The following CSMD3 variants were observed in gnomAD, a reference collection of about 807,000 sequenced individuals.
CSMD3 encodes CUB and Sushi multiple domains 3, also known as CUB and sushi domain-containing protein 3.
Under a neutral mutation model 435.2 loss-of-function variants are expected in CSMD3, and 177 were observed. The ratio of observed to expected loss-of-function variants is 0.41; its 90% confidence interval spans 0.36 to 0.46. The LOEUF is 0.46. Ranked by LOEUF, CSMD3 falls within the 20% of genes least tolerant of loss-of-function variation. The probability of loss-of-function intolerance (pLI) is 0.34; values close to 1 mark genes in which losing one functional copy is unlikely to be tolerated. For missense variants in CSMD3, 4,265 were observed against 4,504.6 expected, an observed-to-expected ratio of 0.95 and a Z score of 1.52; for synonymous variants, 1,656 against 1,520.5, an observed-to-expected ratio of 1.09 and a Z score of -2.07.
At chr8:112,551,423 C>A (rs1180292901) in intron 26 of CSMD3, among the ~76,000 whole-genome samples, 8 of 151,954 alleles carry the variant, frequency 5.3e-5, no homozygotes, top group Admixed American at 5.3e-4. Flanking sequence ...TTAAGCTAGA[C>A]AAAATTAGAA....
intron 63 of CSMD3, 78 bp from the exon 64 acceptor site, chr8:112,247,209 A>G (rs1220054510): frequency 2.3e-6 from 2 of 855,664 alleles, no homozygotes; most frequent in Non-Finnish European, 4.0e-6. Context: ...TGAGTGAGAA[A>G]ATGTTATCAA....
chr8:113,239,254 T>G (rs933195020), intron 3 of CSMD3, among the ~76,000 whole-genome samples: 2 of 152,200 alleles, frequency 1.3e-5, no homozygotes, highest in Non-Finnish European at 2.9e-5. Context: ...CAACAGGTTG[T>G]GGGATTTGTT....
intron 41 of CSMD3, among the ~76,000 whole-genome samples, chr8:112,342,767 A>G (rs546351600): frequency 1.3e-4 from 20 of 151,908 alleles, no homozygotes; most frequent in Non-Finnish European, 2.6e-4. Flanking sequence ...CTTTGGAAAT[A>G]TTTAAAACAG....
Position 113,374,543 on chromosome 8 carries a change from G to T in CSMD3, c.179-59750C>A, listed in dbSNP as rs73341959. Among the ~76,000 whole-genome samples, 535 of 151,980 alleles carry T rather than the reference G, an allele frequency of 3.5e-3. 1 individual carries two copies. Among genetic ancestry groups the T allele is most frequent in the African/African-American group, 0.012 (498 of 41,496 alleles). ...ACATACACTAATATTTAATAAATGT[G>T]AATAAACACATTAAAAGAAGGCATA... On this transcript the variant is annotated intron_variant, in intron 1 of 70. Transcript: ENST00000297405.
At chr8:112,616,284 C>T (rs147248804) in intron 22 of CSMD3, among the ~76,000 whole-genome samples, 26 of 151,984 alleles carry the variant, frequency 1.7e-4, no homozygotes, top group African/African-American at 5.3e-4. Flanking sequence ...CTATTATTAT[C>T]TCAGTTTATC....
chr8:112,301,172 A>G (rs1444091499), intron 53 of CSMD3, among the ~76,000 whole-genome samples: 1 of 152,172 alleles, frequency 6.6e-6, no homozygotes, highest in Non-Finnish European at 1.5e-5. Flanking sequence ...TCTTTGAAAA[A>G]GGAGATAAAG....
intron 5 of CSMD3, among the ~76,000 whole-genome samples, chr8:113,025,536 T>A (rs2086844858): frequency 6.6e-6 from 1 of 152,162 alleles, no homozygotes; most frequent in African/African-American, 2.4e-5. Context: ...AGGCCAGCTA[T>A]ATTGGTCCAG....
At chr8:112,258,949 G>C (rs1385504397) in intron 61 of CSMD3, among the ~76,000 whole-genome samples, 1 of 152,112 alleles carries the variant, frequency 6.6e-6, no homozygotes, top group East Asian at 1.9e-4. Flanking sequence ...CGAGGCAGGA[G>C]AATGGCGAGA....
intron 32 of CSMD3, among the ~76,000 whole-genome samples, chr8:112,429,148 A>T (rs1279263680): frequency 6.6e-6 from 1 of 152,036 alleles, no homozygotes; most frequent in Non-Finnish European, 1.5e-5. Flanking sequence ...TATTCTTATT[A>T]TAGAACTAAA....
intron 3 of CSMD3, among the ~76,000 whole-genome samples, chr8:113,210,332 A>C (rs1258738624): frequency 1.3e-5 from 2 of 152,084 alleles, no homozygotes; most frequent in African/African-American, 4.8e-5. Context: ...GGCTGCTTCA[A>C]TCAGAAGATT....
intron 2 of CSMD3, among the ~76,000 whole-genome samples, chr8:113,302,998 T>A (rs1260569333): frequency 1.2e-4 from 11 of 92,110 alleles, no homozygotes; most frequent in Non-Finnish European, 1.5e-4. Flanking sequence ...ACATGATTGT[T>A]TATCTAGAAA....
rs184901104 is a variant in CSMD3 at position 112,823,313 on chromosome 8, C to A, written c.1859+6373G>T. 3.2e-4 allele frequency among the ~76,000 whole-genome samples: 48 copies of A among 152,204 alleles called. No homozygotes were observed. The East Asian group carries it at 9.3e-3, about 29-fold the overall frequency. On this transcript the variant is annotated intron_variant, in intron 12 of 70. Transcript: ENST00000297405. ...AATAATTATTGCCTTAATTTCAGAA[C>A]TTGTTATTGGTCTATTCAGGGATTT...
chr8:112,323,628 C>G (rs1823220478), intron 45 of CSMD3, among the ~76,000 whole-genome samples: 1 of 151,942 alleles, frequency 6.6e-6, no homozygotes, highest in African/African-American at 2.4e-5. Flanking sequence ...TAAGGAATGC[C>G]AAAGATTGCT....
intron 10 of CSMD3, among the ~76,000 whole-genome samples, chr8:112,890,781 G>A (rs947197771): frequency 1.3e-5 from 2 of 150,352 alleles, no homozygotes; most frequent in Non-Finnish European, 1.5e-5. Context: ...TCAATCTTCA[G>A]TCTTATTTAA....
At chr8:113,236,478 G>A (rs1187630161) in intron 3 of CSMD3, among the ~76,000 whole-genome samples, 1 of 152,274 alleles carries the variant, frequency 6.6e-6, no homozygotes, top group East Asian at 1.9e-4. Flanking sequence ...CAGAATGGCA[G>A]GGAAAAGACA....
At chr8:112,415,447 A>G (rs933953219) in intron 32 of CSMD3, among the ~76,000 whole-genome samples, 21 of 152,222 alleles carry the variant, frequency 1.4e-4, no homozygotes, top group Admixed American at 2.6e-4. Context: ...ATGTCCAGGC[A>G]GAAGTTTGCT....
chr8:112,741,866 T>A (rs1446584854), intron 13 of CSMD3, among the ~76,000 whole-genome samples: 1 of 151,614 alleles, frequency 6.6e-6, no homozygotes, highest in Non-Finnish European at 1.5e-5. Context: ...GGGTTAAGGA[T>A]TGAATAAGAA....
At chr8:113,199,592 C>T (rs2092696298) in intron 3 of CSMD3, among the ~76,000 whole-genome samples, 1 of 151,590 alleles carries the variant, frequency 6.6e-6, no homozygotes, top group Admixed American at 6.6e-5. Context: ...CACACATCTA[C>T]TCTATAGGTT....
intron 25 of CSMD3, among the ~76,000 whole-genome samples, chr8:112,555,195 T>C (rs1183125161): frequency 1.3e-5 from 2 of 152,002 alleles, no homozygotes; most frequent in Non-Finnish European, 2.9e-5. Flanking sequence ...TGCATTGATT[T>C]GCTGCGAACA....
Sources: gnomAD v4.1 joint callset for allele counts (sites outside exome capture counted in the v4.1 genomes callset) on GRCh38, gnomAD v4.1.1 for gene constraint, MANE v1.5 for transcripts, NCBI Gene and HGNC (gene_info 2026-07-23, HGNC 2026-07-21) for gene names.